Variants in WDPCP observed in about 807,000 individuals in gnomAD.
WDPCP encodes WD repeat containing planar cell polarity effector, also known as WD repeat-containing and planar cell polarity effector protein fritz homolog.
In WDPCP, 71 loss-of-function variants were observed where a neutral mutation model predicts 93.1. The ratio of observed to expected loss-of-function variants is 0.76; its 90% CI spans 0.63 to 0.93. The LOEUF (loss-of-function observed/expected upper bound fraction) is 0.93, where lower values mean the gene tolerates loss of function less well. WDPCP is among the 40% of genes least tolerant of loss of function. WDPCP has a pLI of 0.00. For synonymous variants in WDPCP, 315 were observed against 315.0 expected (o/e 1.00, Z 0.00); for missense variants, 844 against 887.4 (o/e 0.95, Z 0.62).
chr2:63,562,538 T>A (rs969678910), intron 1 of WDPCP, among the ~76,000 whole-genome samples: 5 of 152,156 alleles, frequency 3.3e-5, no homozygotes, highest in African/African-American at 1.2e-4. Context: ...ATAAAATTTT[T>A]AAAAATAAAA....
intron 2 of WDPCP, among the ~76,000 whole-genome samples, chr2:63,686,906 T>C (rs918558103): frequency 1.0e-5 from 1 of 98,816 alleles, no homozygotes; most frequent in Non-Finnish European, 2.1e-5. Flanking sequence ...AAAAACTGTA[T>C]ATCCATATTC....
chr2:63,667,388 T>C (rs1710296709), intron 2 of WDPCP, among the ~76,000 whole-genome samples: 1 of 152,216 alleles, frequency 6.6e-6, no homozygotes, highest in African/African-American at 2.4e-5. Flanking sequence ...TGCAAAAACC[T>C]GAACAAGCAA....
At chr2:63,186,043 C>G (rs941087227) in intron 14 of WDPCP, among the ~76,000 whole-genome samples, 10 of 152,204 alleles carry the variant, frequency 6.6e-5, no homozygotes, top group Non-Finnish European at 1.2e-4. Flanking sequence ...AGGTTCCTCA[C>G]ATGTGAAGAC....
At chr2:63,130,895 T>C (rs1329338985) in intron 17 of WDPCP, among the ~76,000 whole-genome samples, 1 of 152,182 alleles carries the variant, frequency 6.6e-6, no homozygotes, top group East Asian at 1.9e-4. Flanking sequence ...GGTACATACA[T>C]ATTTATAATA....
At chr2:63,550,694 CATACAT>C (rs1377494970) in intron 1 of WDPCP, among the ~76,000 whole-genome samples, 4 of 147,986 alleles carry the variant, frequency 2.7e-5, no homozygotes, top group South Asian at 2.1e-4. Flanking sequence ...TATACATACA[CATACAT>C]ATACATATAT....
intron 13 of WDPCP, among the ~76,000 whole-genome samples, chr2:63,289,866 ACTTT>A (rs775214844): frequency 9.9e-5 from 15 of 151,588 alleles, no homozygotes; most frequent in Admixed American, 3.3e-4. Flanking sequence ...CTCTGGTGAT[ACTTT>A]CTTTGTTTTT....
At chr2:63,728,294 C>G (rs947408318) in intron 2 of WDPCP, among the ~76,000 whole-genome samples, 1 of 152,210 alleles carries the variant, frequency 6.6e-6, no homozygotes, top group Admixed American at 6.5e-5. Context: ...GGACCCACAT[C>G]TGAAGCTGTA....
At chr2:63,458,585 T>C (rs1367311830) in intron 6 of WDPCP, among the ~76,000 whole-genome samples, 2 of 152,036 alleles carry the variant, frequency 1.3e-5, no homozygotes, top group African/African-American at 2.4e-5. Context: ...CGAAAGAAAC[T>C]GAAGAGGACA....
intron 9 of WDPCP, among the ~76,000 whole-genome samples, chr2:63,430,380 T>C (rs1004709598): frequency 6.6e-6 from 1 of 152,046 alleles, no homozygotes; most frequent in African/African-American, 2.4e-5. Context: ...CTAAAATAAG[T>C]TGAAAAATAA....
intron 6 of WDPCP, chr2:63,440,077 A>C: frequency 1.8e-6 from 1 of 540,866 alleles, no homozygotes; most frequent in Non-Finnish European, 3.3e-6. Flanking sequence ...AACACAATAA[A>C]TGCATTGATT....
chr2:63,472,684 C>T (rs538737801), intron 6 of WDPCP, among the ~76,000 whole-genome samples: 51 of 152,070 alleles, frequency 3.4e-4, no homozygotes, highest in Middle Eastern at 3.4e-3. Context: ...CGCCTCCTCC[C>T]GAGTAGCTGG....
At chr2:63,812,706 A>G (rs756388909) in intron 2 of WDPCP, among the ~76,000 whole-genome samples, 2 of 152,132 alleles carry the variant, frequency 1.3e-5, no homozygotes, top group Non-Finnish European at 2.9e-5. Context: ...GGAATAATCA[A>G]TGGGTGTTGT....
intron 2 of WDPCP, among the ~76,000 whole-genome samples, chr2:63,718,509 C>T (rs1476276576): frequency 1.3e-5 from 2 of 152,044 alleles, no homozygotes; most frequent in East Asian, 1.9e-4. Context: ...TGATTAGTGA[C>T]GTAGAGCATT....
chr2:63,454,596 A>T (rs954274767), intron 6 of WDPCP, among the ~76,000 whole-genome samples: 2 of 152,188 alleles, frequency 1.3e-5, no homozygotes, highest in African/African-American at 4.8e-5. Context: ...TACAGGAGTT[A>T]TCAGTATTCC....
intron 3 of WDPCP, among the ~76,000 whole-genome samples, chr2:63,609,373 A>G (rs545064090): frequency 2.0e-5 from 3 of 151,648 alleles, no homozygotes; most frequent in South Asian, 4.2e-4. Flanking sequence ...CAAAACAACA[A>G]CAACAAAATA....
At position 63,702,642 on chromosome 2, in the gene WDPCP, C is replaced by T. The variant is rs55940715; in HGVS notation, n.309-51804G>A. The stretch of plus-strand genomic sequence containing the variant: ...CAAGCTACGCCTCCGGGGTTCACAC[C>T]ATTCTCCTGCCTCAGCCTTCCGAGT... On this transcript the variant is annotated intron_variant and non_coding_transcript_variant, in intron 2 of 4. Coordinates refer to the WDPCP transcript ENST00000467687. 9.7e-3 allele frequency among the ~76,000 whole-genome samples: 1,466 copies of T among 151,430 alleles called. 8 individuals carry two copies. The highest frequency in any genetic ancestry group is 0.015 in the Non-Finnish European group (1,034 of 67,796).
intron 1 of WDPCP, among the ~76,000 whole-genome samples, chr2:63,525,253 G>T (rs1703241260): frequency 6.6e-6 from 1 of 152,134 alleles, no homozygotes; most frequent in Admixed American, 6.5e-5. Flanking sequence ...TGAGGGTGGA[G>T]GGTGGAAGGA....
chr2:63,208,966 C>T (rs1307555456), intron 14 of WDPCP, among the ~76,000 whole-genome samples: 1 of 152,162 alleles, frequency 6.6e-6, no homozygotes, highest in Non-Finnish European at 1.5e-5. Context: ...AGTTTAACTC[C>T]CCATTTGGCC....
rs867160756 is a variant in WDPCP at position 63,622,734 on chromosome 2, T to C, written n.488+27925A>G. 13 of 1,613,230 alleles carry C rather than the reference T, an allele frequency of 8.1e-6. 1 individual carries two copies. The Middle Eastern group carries it at 1.8e-3, about 225-fold the overall frequency. ...GTGTACTATGTCTTCCGTCAAGACA[T>C]GTTTGCTATAGGGATTCGGGTACCG... On this transcript the variant is annotated intron_variant and non_coding_transcript_variant, in intron 3 of 4. Transcript: ENST00000467687.
Sources: gnomAD v4.1 joint callset for allele counts (sites outside exome capture counted in the v4.1 genomes callset) on GRCh38, gnomAD v4.1.1 for gene constraint, MANE v1.5 for transcripts, NCBI Gene and HGNC (gene_info 2026-07-23, HGNC 2026-07-21) for gene names.